The following IFT172 variants were observed in gnomAD, a reference collection of about 807,000 sequenced individuals.
IFT172 encodes intraflagellar transport 172, also known as intraflagellar transport protein 172 homolog.
Under a neutral mutation model 248.9 loss-of-function variants are expected in IFT172, and 164 were observed. The ratio of observed to expected loss-of-function variants is 0.66; its 90% CI spans 0.58 to 0.75. IFT172 has a LOEUF of 0.75. Ranked by LOEUF, IFT172 falls within the 30% of genes least tolerant of loss-of-function variation. The pLI is 0.00. For synonymous variants in IFT172, 729 were observed against 791.6 expected (o/e 0.92, Z 1.33); for missense variants, 1,950 against 2,192.4 (o/e 0.89, Z 2.21).
At chr2:27,471,339 T>C (rs1667559396) in intron 15 of IFT172, 2 of 372,252 alleles carry the variant, frequency 5.4e-6, no homozygotes, top group South Asian at 1.3e-4. Flanking sequence ...GGTCAGACTT[T>C]CCTTCTTGAA....
rs1158866336 is a variant in IFT172, at chr2:27,457,945, C to G, written c.3007G>C (p.Ala1003Pro). The part of the protein sequence containing the change: ...LYVTVQEPDL[A>P]ITMYKKHKLY... ...TTGTGCTTTTTGTACATGGTGATGG[C>G]AAGATCAGGCTCTTGTACTGTCACA... Residue 1003 changes from alanine (A) to proline (P), a missense_variant, in exon 28 of 48, where the codon GCC becomes CCC. Transcript: ENST00000260570. 1 of 1,614,066 alleles carries G rather than the reference C, an allele frequency of 6.2e-7. No individual in the cohort carries two copies. Among genetic ancestry groups the G allele is most frequent in the Non-Finnish European group, 8.5e-7 (1 of 1,180,040 alleles).
chr2:27,447,824 G>C lies in IFT172; in HGVS notation c.4527C>G (p.Val1509=). The change falls in exon 41 of 48, where the codon GTC becomes GTG. Residue 1509 remains valine (V), a synonymous_variant. Transcript: ENST00000260570. Reference sequence around the variant, plus strand: ...TTCGCTTCCTCACCAGGTTGAAGAGGACATCTCGAAGATCAGCCCAGCTAT... The same window carrying C: ...TTCGCTTCCTCACCAGGTTGAAGAGCACATCTCGAAGATCAGCCCAGCTAT... ...AYHSWADLRD[V]LFNLCENLVK... 6.2e-7 allele frequency: 1 copy of C among 1,612,310 alleles called. No individual in the cohort carries two copies. Among genetic ancestry groups the C allele is most frequent in the Non-Finnish European group, 8.5e-7 (1 of 1,178,270 alleles).
rs574274402 is a variant in IFT172, at chr2:27,450,681, C to T, written c.3952-585G>A. Among the ~76,000 whole-genome samples the T allele has an allele frequency of 3.9e-5, 6 of 152,296 alleles. No individual in the cohort carries two copies. In the East Asian group the frequency reaches 1.2e-3, roughly 29 times the overall value. On this transcript the variant is annotated intron_variant, in intron 35 of 47. Transcript: ENST00000260570. ...TATCAGCTCACTGCAACCTCTCCCT[C>T]CCAGGTTCAAGCAATTCTCTTGTCT...
chr2:27,451,062 T>C (rs1451788624), intron 35 of IFT172, among the ~76,000 whole-genome samples: 1 of 152,024 alleles, frequency 6.6e-6, no homozygotes, highest in African/African-American at 2.4e-5. Flanking sequence ...CTGGTATAGA[T>C]GGTCTTGATG....
intron 36 of IFT172, 29 bp from the exon 37 acceptor site, chr2:27,449,829 T>G (rs761986438): frequency 6.5e-7 from 1 of 1,528,968 alleles, no homozygotes; most frequent in East Asian, 2.3e-5. Context: ...GCGTGGAGAC[T>G]TTCTCCTCGC....
At chr2:27,460,634 A>G (rs1666577667) in intron 23 of IFT172, among the ~76,000 whole-genome samples, 1 of 51,750 alleles carries the variant, frequency 1.9e-5, no homozygotes, top group Non-Finnish European at 3.9e-5. Flanking sequence ...ATGCATATCT[A>G]AAAGCACAGC....
At chr2:27,475,823 G>T (rs999723430) in intron 14 of IFT172, among the ~76,000 whole-genome samples, 1 of 151,222 alleles carries the variant, frequency 6.6e-6, no homozygotes, top group African/African-American at 2.4e-5. Flanking sequence ...ATAGAGATAG[G>T]GTCTCACCAT....
chr2:27,453,113 T>G, intron 35 of IFT172: 1 of 551,518 alleles, frequency 1.8e-6, no homozygotes, highest in Non-Finnish European at 3.5e-6. Flanking sequence ...CTTTAAATCA[T>G]GCACTTTAGT....
rs538748702 is a variant in IFT172, at chr2:27,447,654, C to A, written c.4540-20G>T. 8 of 1,614,002 alleles carry A rather than the reference C, an allele frequency of 5.0e-6. No homozygotes were observed. In the East Asian group the frequency reaches 1.3e-4, roughly 27 times the overall value. On this transcript the variant is annotated intron_variant, in intron 41 of 47. Coordinates refer to ENST00000260570, the MANE Select transcript of IFT172 (RefSeq NM_015662.3). ...TTCACACTAGAGGAGGGAGACAGCACAGCCTGGCTCAGGGGTCAGAGGAGT... is the reference window on the plus strand; with the variant it reads ...TTCACACTAGAGGAGGGAGACAGCAAAGCCTGGCTCAGGGGTCAGAGGAGT...
chr2:27,485,206 A>G lies in IFT172; in HGVS notation c.184-76T>C, dbSNP rs968125914. The G allele has an allele frequency of 6.3e-6, 9 of 1,433,156 alleles. No homozygotes were observed. The African/African-American group carries it at 1.0e-4, about 16-fold the overall frequency. The allele number at this position is 1,433,156 out of a possible 1,614,324, so 88.8% of individuals were successfully genotyped here. A position where few individuals can be genotyped will look rare whatever the true frequency, so the allele number is the denominator to read the frequency against. ...TGAAAGAGAAAAGAGAAAAAAAGGC[A>G]TATGTGTGCTCCTAAGGGAGCTTGA... On this transcript the variant is annotated intron_variant, in intron 2 of 47. Coordinates refer to ENST00000260570, the MANE Select transcript of IFT172 (RefSeq NM_015662.3).
intron 30 of IFT172, among the ~76,000 whole-genome samples, chr2:27,456,045 C>T (rs1370382292): frequency 6.6e-6 from 1 of 151,994 alleles, no homozygotes; most frequent in African/African-American, 2.4e-5. Flanking sequence ...AACCCCATCC[C>T]TACTAAAAAT....
chr2:27,448,149 G>A (rs140177261), intron 40 of IFT172, among the ~76,000 whole-genome samples: 2 of 152,036 alleles, frequency 1.3e-5, no homozygotes, highest in Admixed American at 6.6e-5. Flanking sequence ...CCCAAGGCTG[G>A]AGTGCAGTAG....
chr2:27,457,612 TC>T, intron 29 of IFT172, 26 bp downstream of exon 29: 1 of 1,564,650 alleles, frequency 6.4e-7, no homozygotes, highest in African/African-American at 1.4e-5. Flanking sequence ...GATGGATGTA[TC>T]CCTCAGTGTG....
At chr2:27,465,218 T>A in intron 18 of IFT172, 193 bp downstream of exon 18, 1 of 599,926 alleles carries the variant, frequency 1.7e-6, no homozygotes. Flanking sequence ...TCACGCCTGG[T>A]CAAGGCATAC....
At position 27,480,151 on chromosome 2, in the gene IFT172, T is replaced by C. The variant is rs757253624; in HGVS notation, c.786-2A>G. On this transcript the variant is annotated splice_acceptor_variant, in intron 8 of 47. Coordinates refer to ENST00000260570, the MANE Select transcript of IFT172 (RefSeq NM_015662.3). LOFTEE classifies it high-confidence loss of function. ...GGGATCCAGTTGAACACCCGAAGCC[T>C]GAAATAAAGTATGTGGCTTTTAGAA... The C allele has an allele frequency of 1.2e-6, 2 of 1,612,386 alleles. No individual in the cohort carries two copies. Among genetic ancestry groups the C allele is most frequent in the Non-Finnish European group, 8.5e-7 (1 of 1,179,374 alleles).
Position 27,483,627 on chromosome 2 carries a change from T to A in IFT172, c.435A>T (p.Ser145=), listed in dbSNP as rs1668543398. The A allele has an allele frequency of 6.2e-7, 1 of 1,614,198 alleles. No individual in the cohort carries two copies. Among genetic ancestry groups the A allele is most frequent in the Non-Finnish European group, 8.5e-7 (1 of 1,180,028 alleles). ...AAGACTCTGTCCCATAGATGGTAGA[T>A]GATTTATTAGTTTTGGTGTTTGCTA... ...VRLANTKTNK[S]STIYGTESYV... is the part of the protein sequence containing the mutation. The change falls in exon 6 of 48, where the codon TCA becomes TCT. Residue 145 remains serine, a synonymous_variant. Transcript: ENST00000260570.
chr2:27,462,516 G>A (rs1666758169), intron 20 of IFT172, among the ~76,000 whole-genome samples, 185 bp downstream of exon 20: 2 of 152,152 alleles, frequency 1.3e-5, no homozygotes, highest in African/African-American at 4.8e-5. Context: ...AGAAAAGTAA[G>A]GACTGACACA....
rs768725084 is a variant in IFT172 at position 27,479,617 on chromosome 2, G to T, written c.910-13C>A. The T allele has an allele frequency of 6.5e-7, 1 of 1,542,554 alleles. No individual in the cohort carries two copies. The highest frequency in any genetic ancestry group is 2.2e-5 in the East Asian group (1 of 44,524). ...CACATAGTGTGCCCTAGAAGGGAAA[G>T]TGACAGCATAAAAGGTCACACACAT... On this transcript the variant is annotated splice_polypyrimidine_tract_variant and intron_variant, in intron 9 of 47. Transcript: ENST00000260570.
At chr2:27,470,306 A>G (rs954016550) in intron 16 of IFT172, among the ~76,000 whole-genome samples, 3 of 151,954 alleles carry the variant, frequency 2.0e-5, no homozygotes, top group Non-Finnish European at 4.4e-5. Context: ...TAAAAGAGAG[A>G]AGGAGAGAAA....
Sources: gnomAD v4.1 joint callset for allele counts (sites outside exome capture counted in the v4.1 genomes callset) on GRCh38, gnomAD v4.1.1 for gene constraint, MANE v1.5 for transcripts, NCBI Gene and HGNC (gene_info 2026-07-23, HGNC 2026-07-21) for gene names.